The following KIAA1958 variants were observed in gnomAD, a reference collection of about 807,000 sequenced individuals.
KIAA1958 encodes the protein KIAA1958.
KIAA1958 carries 14 observed loss-of-function variants against 47.2 expected under a neutral mutation model. That is an observed-to-expected ratio of 0.30 (90% CI 0.20 to 0.46). The LOEUF is 0.46. Among genes scored for constraint, KIAA1958 ranks in the 20% least tolerant of loss-of-function variants. The pLI is 1.00. For missense variants in KIAA1958, 803 were observed against 909.2 expected (o/e 0.88, Z 1.50); for synonymous variants, 354 against 353.3 (o/e 1.00, Z -0.02).
chr9:112,554,791 A>G (rs1198448646), intron 1 of KIAA1958, among the ~76,000 whole-genome samples: 1 of 152,116 alleles, frequency 6.6e-6, no homozygotes, highest in Non-Finnish European at 1.5e-5. Context: ...GGGCAGTTTC[A>G]TTGCACAGCC....
intron 1 of KIAA1958, among the ~76,000 whole-genome samples, chr9:112,492,297 T>G (rs72762209): frequency 0.13 from 19,126 of 152,230 alleles, 1,704 homozygotes; most frequent in East Asian, 0.2. Flanking sequence ...GTGGCTTCAC[T>G]TGGTCTTCCC....
intron 1 of KIAA1958, among the ~76,000 whole-genome samples, chr9:112,560,174 TGAAG>T (rs1835302210): frequency 6.6e-6 from 1 of 151,256 alleles, no homozygotes; most frequent in South Asian, 2.1e-4. Flanking sequence ...CTGATATTTT[TGAAG>T]CTGCTTTTTT....
At chr9:112,546,729 T>TA (rs1257171671) in intron 1 of KIAA1958, among the ~76,000 whole-genome samples, 2 of 152,134 alleles carry the variant, frequency 1.3e-5, no homozygotes, top group Non-Finnish European at 2.9e-5. Context: ...TACTGAATTT[T>TA]ATGTTTCTCA....
intron 2 of KIAA1958, among the ~76,000 whole-genome samples, chr9:112,581,493 A>C (rs899710478): frequency 3.3e-5 from 5 of 152,138 alleles, no homozygotes; most frequent in African/African-American, 1.2e-4. Context: ...GAGTTTCAGG[A>C]GGCCGCGAGG....
intron 1 of KIAA1958, among the ~76,000 whole-genome samples, chr9:112,508,478 A>T (rs1257502578): frequency 6.6e-6 from 1 of 152,264 alleles, no homozygotes; most frequent in Non-Finnish European, 1.5e-5. Context: ...AAGCAGCTAC[A>T]TACGATGATG....
At chr9:112,554,092 A>G (rs1835200488) in intron 1 of KIAA1958, among the ~76,000 whole-genome samples, 1 of 152,210 alleles carries the variant, frequency 6.6e-6, no homozygotes, top group South Asian at 2.1e-4. Flanking sequence ...GACCAAAAGA[A>G]CTACAGAAAT....
intron 1 of KIAA1958, among the ~76,000 whole-genome samples, chr9:112,557,425 G>A (rs1046019919): frequency 6.6e-6 from 1 of 152,208 alleles, no homozygotes; most frequent in Admixed American, 6.5e-5. Context: ...CCCCTAAGCA[G>A]TGTATTTGTG....
chr9:112,487,165 G>A (rs1462219681), intron 1 of KIAA1958, 47 bp downstream of exon 1: 2 of 193,898 alleles, frequency 1.0e-5, no homozygotes, highest in Middle Eastern at 7.3e-4. Context: ...CGCCGACGCC[G>A]CGACCCAGGC....
intron 1 of KIAA1958, among the ~76,000 whole-genome samples, chr9:112,532,516 A>G (rs1834767799): frequency 6.6e-6 from 1 of 152,090 alleles, no homozygotes; most frequent in Admixed American, 6.5e-5. Flanking sequence ...GAGAATAGGG[A>G]CTGGAGTGAT....
chr9:112,639,272 C>G (rs1207899405), intron 2 of KIAA1958, among the ~76,000 whole-genome samples: 1 of 152,092 alleles, frequency 6.6e-6, no homozygotes, highest in Non-Finnish European at 1.5e-5. Flanking sequence ...TTCAACTTTC[C>G]TTGCCCACTC....
At chr9:112,653,671 C>T (rs1237136886) in intron 3 of KIAA1958, among the ~76,000 whole-genome samples, 7 of 152,090 alleles carry the variant, frequency 4.6e-5, no homozygotes, top group East Asian at 1.9e-4. Flanking sequence ...GAGGCCAAGG[C>T]GGGCGGATCA....
intron 1 of KIAA1958, among the ~76,000 whole-genome samples, chr9:112,494,833 G>A (rs915573573): frequency 1.3e-5 from 2 of 151,934 alleles, no homozygotes; most frequent in Non-Finnish European, 2.9e-5. Flanking sequence ...TTTCTTTCCT[G>A]TTCTGTCATG....
intron 1 of KIAA1958, among the ~76,000 whole-genome samples, chr9:112,542,358 GT>G (rs1051877372): frequency 2.8e-4 from 42 of 152,108 alleles, no homozygotes; most frequent in Admixed American, 2.6e-3. Flanking sequence ...GTATTAAAAA[GT>G]TTTCCCAATA....
chr9:112,660,264 G>T lies in KIAA1958; in HGVS notation c.*195G>T. ...AAACTAGATGAGTCTAAATCATTCG[G>T]ATGGTTTATCCAAATGTGCGTCAAC... is the stretch of plus-strand genomic sequence containing the variant. On this transcript the variant is annotated 3_prime_UTR_variant, in exon 4 of 4. Transcript: ENST00000337530. 1 of 587,776 alleles carries T rather than the reference G, an allele frequency of 1.7e-6. No homozygotes were observed. Among genetic ancestry groups the T allele is most frequent in the Non-Finnish European group, 3.0e-6 (1 of 329,668 alleles). 36.4% of individuals were successfully genotyped at this position (587,776 alleles called of 1,614,324 possible). A position where few individuals can be genotyped will look rare whatever the true frequency, so the allele number is the denominator to read the frequency against.
chr9:112,574,104 A>G lies in KIAA1958; in HGVS notation c.24A>G (p.Ser8=), dbSNP rs1330762629. MEDCLHT[S]SENLSKLVSW... ...ACATGGAGGATTGTCTTCATACCTC[A>G]TCTGAGAATCTGTCCAAATTGGTCA... Residue 8 remains serine (S), a synonymous_variant, in exon 2 of 4, where the codon TCA becomes TCG. Coordinates refer to ENST00000337530, the MANE Select transcript of KIAA1958 (RefSeq NM_133465.4). 1 of 1,600,652 alleles carries G rather than the reference A, an allele frequency of 6.2e-7. No individual in the cohort carries two copies. Among genetic ancestry groups the G allele is most frequent in the South Asian group, 1.1e-5 (1 of 89,122 alleles).
At chr9:112,621,394 G>T (rs1836505155) in intron 2 of KIAA1958, among the ~76,000 whole-genome samples, 1 of 152,164 alleles carries the variant, frequency 6.6e-6, no homozygotes, top group Non-Finnish European at 1.5e-5. Context: ...ATGTTATGGT[G>T]CATTTAATTT....
intron 1 of KIAA1958, among the ~76,000 whole-genome samples, chr9:112,559,899 T>A (rs1052205114): frequency 2.0e-5 from 3 of 152,162 alleles, no homozygotes; most frequent in Non-Finnish European, 4.4e-5. Flanking sequence ...AGTCATCACA[T>A]GGGGAACAAT....
rs1837371316 is a variant in KIAA1958 at position 112,667,851 on chromosome 9, T to C, written c.*7782T>C. 6.6e-6 allele frequency: 1 copy of C among 152,220 alleles called. No homozygotes were observed. Among genetic ancestry groups the C allele is most frequent in the Admixed American group, 6.5e-5 (1 of 15,284 alleles). 9.4% of individuals were successfully genotyped at this position (152,220 alleles called of 1,614,324 possible). A position where few individuals can be genotyped will look rare whatever the true frequency, so the allele number is the denominator to read the frequency against. On this transcript the variant is annotated 3_prime_UTR_variant, in exon 4 of 4. Transcript: ENST00000337530. ...AGGCTTGATTTAAATAAAACAATGTTTGCTTAGTATCCTAATTTCAGTGGG... is the reference window on the plus strand; with the variant it reads ...AGGCTTGATTTAAATAAAACAATGTCTGCTTAGTATCCTAATTTCAGTGGG...
chr9:112,544,225 A>T (rs1237261044), intron 1 of KIAA1958, among the ~76,000 whole-genome samples: 1 of 152,190 alleles, frequency 6.6e-6, no homozygotes, highest in East Asian at 1.9e-4. Context: ...AAAGTTTCAA[A>T]ATTTTTCTGT....
Sources: allele counts gnomAD v4.1 joint callset (sites outside exome capture counted in the v4.1 genomes callset), GRCh38; gene constraint gnomAD v4.1.1; transcripts MANE v1.5; gene names NCBI Gene and HGNC (gene_info 2026-07-23, HGNC 2026-07-21).